The following PPP2R3B variants were observed in gnomAD, a reference collection of about 807,000 sequenced individuals.
The protein encoded by PPP2R3B is protein phosphatase 2 regulatory subunit B''beta, also known as serine/threonine-protein phosphatase 2A regulatory subunit B'' subunit beta.
PPP2R3B carries 68 observed loss-of-function variants against 72.9 expected under a neutral mutation model. That is an observed-to-expected ratio of 0.93 (90% CI 0.77 to 1.14). The LOEUF (loss-of-function observed/expected upper bound fraction) is 1.14, where lower values mean the gene tolerates loss of function less well. PPP2R3B is among the 50% of genes most tolerant of loss of function. PPP2R3B has a pLI of 0.00. For missense variants in PPP2R3B, 1,018 were observed against 842.0 expected, an observed-to-expected ratio of 1.21 and a Z score of -2.59; for synonymous variants, 466 against 375.8, an observed-to-expected ratio of 1.24 and a Z score of -2.78.
chrX:356,318 C>T (rs1453367528), intron 2 of PPP2R3B, among the ~76,000 whole-genome samples: 4 of 152,170 alleles, frequency 2.6e-5, no homozygotes, highest in Admixed American at 6.5e-5. Context: ...CAGGTTCAAG[C>T]GATTTTCCTG....
At chrX:377,547 C>T (rs1348402063) in intron 1 of PPP2R3B, among the ~76,000 whole-genome samples, 4 of 96,234 alleles carry the variant, frequency 4.2e-5, no homozygotes, top group Admixed American at 9.3e-5. Context: ...GACGGGCCGT[C>T]CACACCCAGT....
At chrX:386,320 C>T in intron 1 of PPP2R3B, 48 bp downstream of exon 1, 4 of 1,283,490 alleles carry the variant, frequency 3.1e-6, no homozygotes, top group Non-Finnish European at 4.0e-6. Flanking sequence ...GCCCACTATG[C>T]GACCAGAGCC....
At chrX:372,929 T>C (rs1278277097) in intron 1 of PPP2R3B, among the ~76,000 whole-genome samples, 1 of 152,108 alleles carries the variant, frequency 6.6e-6, no homozygotes, top group African/African-American at 2.4e-5. Flanking sequence ...TCGTCTCAAA[T>C]AAATAAATAT....
In PPP2R3B at chrX:371,558, G is replaced by A. The variant is rs768562683; in HGVS notation, c.325-9968C>T. 9.0e-4 allele frequency among the ~76,000 whole-genome samples: 137 copies of A among 152,224 alleles called. 1 individual carries two copies. Among genetic ancestry groups the A allele is most frequent in the African/African-American group, 2.9e-3 (120 of 41,562 alleles). The stretch of plus-strand genomic sequence containing the variant: ...CAGAAGATCAAGCTCAGGAGCACCC[G>A]CCAGGGGCTCGTGGGTGCGGCCAAC... On this transcript the variant is annotated intron_variant, in intron 1 of 12. Transcript: ENST00000390665.
At chrX:357,647 C>T (rs1045471883) in intron 2 of PPP2R3B, among the ~76,000 whole-genome samples, 6 of 151,840 alleles carry the variant, frequency 4.0e-5, no homozygotes, top group African/African-American at 9.7e-5. Context: ...TTCTAAGTTA[C>T]GCAAAAAATT....
In PPP2R3B at chrX:338,768, C is replaced by A; in HGVS notation, c.1470+10G>T. The A allele has an allele frequency of 6.2e-7, 1 of 1,612,242 alleles. No homozygotes were observed. The highest frequency in any genetic ancestry group is 8.5e-7 in the Non-Finnish European group (1 of 1,179,598). On this transcript the variant is annotated intron_variant, in intron 11 of 12. Coordinates refer to ENST00000390665, the MANE Select transcript of PPP2R3B (RefSeq NM_013239.5). ...TGGCGCGGCCCGGCCCGCGTGCCCG[C>A]CGCACTCACCCTGAGCAGGGAGATC...
intron 2 of PPP2R3B, among the ~76,000 whole-genome samples, chrX:357,028 T>C (rs2071452639): frequency 6.6e-6 from 1 of 151,778 alleles, no homozygotes; most frequent in Non-Finnish European, 1.5e-5. Context: ...TACACAAATA[T>C]TACTTGTCCA....
intron 1 of PPP2R3B, 73 bp from the exon 2 acceptor site, chrX:361,663 G>T: frequency 6.4e-7 from 1 of 1,567,058 alleles, no homozygotes; most frequent in African/African-American, 1.4e-5. Flanking sequence ...GACAACACAC[G>T]GGGCCTCTCT....
chrX:363,542 CCCGCGATCCCGCA>C (rs2071600999), intron 1 of PPP2R3B, among the ~76,000 whole-genome samples: 18 of 146,440 alleles, frequency 1.2e-4, no homozygotes, highest in South Asian at 2.2e-4. Flanking sequence ...TCTCCCCGAG[CCCGCGATCCCGCA>C]GTGCATCTCC....
At chrX:373,619 G>T in intron 1 of PPP2R3B, 1 of 292,292 alleles carries the variant, frequency 3.4e-6, no homozygotes, top group South Asian at 2.7e-5. Flanking sequence ...CCTGGCGCAG[G>T]TCGGGGTCCT....
At chrX:358,827 G>GT (rs1224248436) in intron 2 of PPP2R3B, among the ~76,000 whole-genome samples, 3 of 150,728 alleles carry the variant, frequency 2.0e-5, no homozygotes, top group South Asian at 2.1e-4. Context: ...CACCACGGTG[G>GT]GGGGAGGCGC....
intron 1 of PPP2R3B, among the ~76,000 whole-genome samples, chrX:378,836 G>GT (rs1229093188): frequency 2.0e-5 from 3 of 152,236 alleles, no homozygotes; most frequent in African/African-American, 7.2e-5. Context: ...TACGAAGGCA[G>GT]TGAGAACTGA....
Position 334,422 on chromosome X carries a change from C to T in PPP2R3B, c.1673G>A (p.Gly558Asp), listed in dbSNP as rs753002814. ...TGCGTACTCGTACAGGTCCACGGCG[C>T]CCAGCGGTGAGGGCGCCTCGAAGAA... ...RPFFEAPSPL[G>D]AVDLYEYACG... The change falls in exon 13 of 13, where the codon GGC (glycine) becomes GAC (aspartate). Residue 558 changes from glycine (G) to aspartate (D), a missense_variant. By Grantham distance (94) the Gly-to-Asp change is moderately conservative. Transcript: ENST00000390665. 5 of 1,593,812 alleles carry T rather than the reference C, an allele frequency of 3.1e-6. No homozygotes were observed. The South Asian group carries it at 5.6e-5, about 18-fold the overall frequency.
At chrX:384,982 CAA>C (rs773590401) in intron 1 of PPP2R3B, among the ~76,000 whole-genome samples, 1,115 of 63,024 alleles carry the variant, frequency 0.018, 7 homozygotes, top group African/African-American at 0.063. Flanking sequence ...GAATCTGTCT[CAA>C]AAAAAAAAAA....
chrX:376,334 G>T (rs60651260), intron 1 of PPP2R3B, among the ~76,000 whole-genome samples: 2,583 of 152,034 alleles, frequency 0.017, 70 homozygotes, highest in African/African-American at 0.06. Context: ...GAGCCCTTGC[G>T]TCCTGTCCCG....
chrX:346,399 G>T, intron 5 of PPP2R3B, 139 bp from the exon 6 acceptor site: 2 of 836,948 alleles, frequency 2.4e-6, no homozygotes, highest in South Asian at 1.7e-5. Context: ...GGGGCAGAGG[G>T]AAGGGCCCTG....
At chrX:379,527 C>T (rs1243234355) in intron 1 of PPP2R3B, among the ~76,000 whole-genome samples, 1 of 152,134 alleles carries the variant, frequency 6.6e-6, no homozygotes, top group Non-Finnish European at 1.5e-5. Flanking sequence ...CTCCAAATAC[C>T]CTGTTCTAAT....
chrX:370,457 G>A (rs1310163055), intron 1 of PPP2R3B, among the ~76,000 whole-genome samples: 2 of 152,168 alleles, frequency 1.3e-5, no homozygotes, highest in African/African-American at 4.8e-5. Flanking sequence ...GGCTGGGCTG[G>A]GGGACGTGGG....
chrX:385,495 T>G (rs2072227505), intron 1 of PPP2R3B, among the ~76,000 whole-genome samples: 1 of 151,936 alleles, frequency 6.6e-6, no homozygotes, highest in African/African-American at 2.4e-5. Context: ...TATAATCACC[T>G]TCTATGAAAT....
Sources: gnomAD v4.1 joint callset for allele counts (sites outside exome capture counted in the v4.1 genomes callset) on GRCh38, gnomAD v4.1.1 for gene constraint, MANE v1.5 for transcripts, NCBI Gene and HGNC (gene_info 2026-07-23, HGNC 2026-07-21) for gene names.